Variants in SP140 observed in about 807,000 individuals in gnomAD.
SP140 encodes the protein nuclear body protein SP140.
Under a neutral mutation model 125.0 loss-of-function variants are expected in SP140, and 81 were observed. The ratio of observed to expected loss-of-function variants is 0.65; its 90% confidence interval spans 0.54 to 0.78. The LOEUF (loss-of-function observed/expected upper bound fraction) is 0.78. Ranked by LOEUF, SP140 falls within the 30% of genes least tolerant of loss-of-function variation. SP140 has a pLI of 0.00. For synonymous variants in SP140, 312 were observed against 354.0 expected, an observed-to-expected ratio of 0.88 and a Z score of 1.33; for missense variants, 858 against 1,037.0, an observed-to-expected ratio of 0.83 and a Z score of 2.37.
intron 1 of SP140, among the ~76,000 whole-genome samples, chr2:230,227,672 G>T (rs1251467464): frequency 6.6e-6 from 1 of 152,144 alleles, no homozygotes; most frequent in Non-Finnish European, 1.5e-5. Flanking sequence ...GCCTCTTAAA[G>T]AATTTGTTCA....
At chr2:230,209,946 G>A in intron 1 of SP140, 1 of 1,602,344 alleles carries the variant, frequency 6.2e-7, no homozygotes, top group Admixed American at 1.7e-5. Flanking sequence ...TTGTCTGAAG[G>A]TGTGCTGGAC....
rs375427546 is a variant in SP140 at position 230,273,830 on chromosome 2, A to G, written c.1498+3191A>G. 7.9e-4 allele frequency among the ~76,000 whole-genome samples: 121 copies of G among 152,324 alleles called. No homozygotes were observed. In the South Asian group the frequency reaches 0.025, roughly 31 times the overall value. On this transcript the variant is annotated intron_variant, in intron 15 of 26. Coordinates refer to ENST00000392045, the MANE Select transcript of SP140 (RefSeq NM_007237.5). Reference sequence around the variant, plus strand: ...GATGGAGCTGGAGAGTATTATCCTTAGCAAACTAATGCAGGAACAGAAAAC... The same window carrying G: ...GATGGAGCTGGAGAGTATTATCCTTGGCAAACTAATGCAGGAACAGAAAAC...
chr2:230,261,676 T>G (rs2052272706), intron 12 of SP140, among the ~76,000 whole-genome samples: 1 of 152,208 alleles, frequency 6.6e-6, no homozygotes, highest in Non-Finnish European at 1.5e-5. Flanking sequence ...ATGCTGGATT[T>G]TGTTGAATGC....
intron 12 of SP140, among the ~76,000 whole-genome samples, chr2:230,266,719 T>C (rs1455907995): frequency 6.6e-6 from 1 of 152,226 alleles, no homozygotes; most frequent in Non-Finnish European, 1.5e-5. Flanking sequence ...CACAGCTTTG[T>C]TGCTGGTTGT....
intron 22 of SP140, among the ~76,000 whole-genome samples, chr2:230,302,497 GTCA>G (rs1210981529): frequency 6.6e-6 from 1 of 152,146 alleles, no homozygotes; most frequent in African/African-American, 2.4e-5. Context: ...CACTAGACAG[GTCA>G]TCAAGACAGA....
At chr2:230,261,302 T>G (rs1364237587) in intron 12 of SP140, among the ~76,000 whole-genome samples, 6 of 152,172 alleles carry the variant, frequency 3.9e-5, no homozygotes, top group Non-Finnish European at 8.8e-5. Context: ...ACATTAATCG[T>G]GTATCCAGAA....
At chr2:230,210,331 G>A (rs753304749) in intron 1 of SP140, among the ~76,000 whole-genome samples, 49 of 152,216 alleles carry the variant, frequency 3.2e-4, no homozygotes, top group Non-Finnish European at 6.6e-4. Flanking sequence ...AAACTGTGCT[G>A]GGTATCATGA....
Position 230,251,011 on chromosome 2 carries a change from A to G in SP140, c.1007A>G (p.Asp336Gly), listed in dbSNP as rs558022852. The change falls in exon 10 of 27, where the codon GAT becomes GGT. Residue 336 changes from aspartate (D) to glycine (G), a missense_variant. Physicochemically the swap from Asp to Gly is moderately conservative, Grantham distance 94. Coordinates refer to ENST00000392045, the MANE Select transcript of SP140 (RefSeq NM_007237.5). ...AGTGATGACTGTTCAGAAATGTGTG[A>G]TGGAGAAGAGCCCCAGGAAGCCTCT... is the stretch of plus-strand genomic sequence containing the variant. Reference protein sequence around the residue: ...EGSDDCSEMCDGEEPQEASSS... With the variant: ...EGSDDCSEMCGGEEPQEASSS... 5 of 1,613,842 alleles carry G rather than the reference A, an allele frequency of 3.1e-6. No individual in the cohort carries two copies. The highest frequency in any genetic ancestry group is 1.1e-5 in the South Asian group (1 of 91,080).
chr2:230,285,790 A>T lies in SP140; in HGVS notation c.1603A>T (p.Lys535Ter), dbSNP rs758303198. 1 of 1,613,942 alleles carries T rather than the reference A, an allele frequency of 6.2e-7. No individual in the cohort carries two copies. Among genetic ancestry groups the T allele is most frequent in the South Asian group, 1.1e-5 (1 of 91,078 alleles). The change falls in exon 17 of 27, where the codon AAG becomes TAG. Residue 535 changes from lysine to a stop codon, truncating the protein, a stop_gained. Transcript: ENST00000392045. LOFTEE classifies it high-confidence loss of function. ...KADGQVVSSE[K>*]KANVNLKDLS... Reference sequence around the variant, plus strand: ...CGACGGCCAGGTGGTCTCCAGTGAAAAGAAGGCGAACGTGAATCTGAAAGA... The same window carrying T: ...CGACGGCCAGGTGGTCTCCAGTGAATAGAAGGCGAACGTGAATCTGAAAGA...
chr2:230,284,173 G>T (rs547045952), intron 15 of SP140, among the ~76,000 whole-genome samples, 173 bp from the exon 16 acceptor site: 1 of 152,156 alleles, frequency 6.6e-6, no homozygotes, highest in South Asian at 2.1e-4. Context: ...TCATGCAGAG[G>T]TAAAATATAA....
At chr2:230,271,580 CAT>C (rs1298403328) in intron 15 of SP140, among the ~76,000 whole-genome samples, 1 of 152,136 alleles carries the variant, frequency 6.6e-6, no homozygotes, top group Non-Finnish European at 1.5e-5. Flanking sequence ...GTCCTGTACT[CAT>C]GTGAAAAGCA....
intron 8 of SP140, 87 bp from the exon 9 acceptor site, chr2:230,248,798 C>A: frequency 9.6e-7 from 1 of 1,036,936 alleles, no homozygotes; most frequent in Non-Finnish European, 1.5e-6. Flanking sequence ...TGGCTCTCAG[C>A]ATTTGCCCAT....
chr2:230,197,929 G>A, the SP140 span, among the ~76,000 whole-genome samples: 3 of 152,194 alleles, frequency 2.0e-5, no homozygotes, highest in Admixed American at 6.5e-5. Flanking sequence ...TGGGATTACA[G>A]GTGTGAGCTA....
At chr2:230,234,180 A>C (rs575679294) in intron 1 of SP140, among the ~76,000 whole-genome samples, 51 of 152,342 alleles carry the variant, frequency 3.3e-4, no homozygotes, top group African/African-American at 1.2e-3. Context: ...AGGAACAAAC[A>C]ATTCCCAAAT....
In SP140 at chr2:230,256,455, T is replaced by C. The variant is rs1481077272; in HGVS notation, c.1240+923T>C. Among the ~76,000 whole-genome samples the C allele has an allele frequency of 3.5e-5, 5 of 142,432 alleles. No individual in the cohort carries two copies. In the East Asian group the frequency reaches 1.1e-3, roughly 30 times the overall value. 93.4% of individuals were successfully genotyped at this position (142,432 alleles called of 152,430 possible). A position where few individuals can be genotyped will look rare whatever the true frequency, so the allele number is the denominator to read the frequency against. ...ACCAAACACTGCATGTTCTCACTCA[T>C]AGGTGGGAATTGAACAATGAGAACA... On this transcript the variant is annotated intron_variant, in intron 12 of 26. Transcript: ENST00000392045.
Position 230,290,495 on chromosome 2 carries a change from A to C in SP140, c.1756A>C (p.Lys586Gln), listed in dbSNP as rs555882150. ...GCACAAAGATGAAACTGTGGATTTT[A>C]AGGCTCCTTTGCTTCCAGTGACCTG... ...RKHKDETVDF[K>Q]APLLPVTCGG... The change falls in exon 19 of 27, where the codon AAG (lysine) becomes CAG (glutamine). Residue 586 changes from lysine to glutamine, a missense_variant. By Grantham distance (53) the Lys-to-Gln change is moderately conservative (BLOSUM62 1). This residue lies in a region of SP140 where 791 missense variants were observed against 869.5 expected (regional missense o/e 0.91). Coordinates refer to ENST00000392045, the MANE Select transcript of SP140 (RefSeq NM_007237.5). 6 of 1,613,886 alleles carry C rather than the reference A, an allele frequency of 3.7e-6. No homozygotes were observed. Among genetic ancestry groups the C allele is most frequent in the Admixed American group, 3.3e-5 (2 of 59,944 alleles).
At chr2:230,200,649 T>A, upstream of SP140, 1 of 563,956 alleles carries the variant, frequency 1.8e-6, no homozygotes, top group South Asian at 2.1e-5. Context: ...CTGAGAAAAA[T>A]CTTATATAGT....
chr2:230,255,081 A>T lies in SP140; in HGVS notation c.1160-371A>T, dbSNP rs1045306256. ...TAAAGAGCAGAGTCAGGGGTGCAAG[A>T]GAAAAGGATAGAAACAGAGAAGGGG... On this transcript the variant is annotated intron_variant, in intron 11 of 26. Coordinates refer to ENST00000392045, the MANE Select transcript of SP140 (RefSeq NM_007237.5). 2.0e-5 allele frequency among the ~76,000 whole-genome samples: 3 copies of T among 152,200 alleles called. 1 individual carries two copies. The highest frequency in any genetic ancestry group is 2.0e-4 in the Admixed American group (3 of 15,278).
At chr2:230,259,771 C>CATATATATATAT (rs745848625) in intron 12 of SP140, among the ~76,000 whole-genome samples, 965 of 85,764 alleles carry the variant, frequency 0.011, 51 homozygotes, top group Non-Finnish European at 0.013. Flanking sequence ...AGTATTCCAT[C>CATATATATATAT]ATATATATAT....
Sources: gnomAD v4.1 joint callset for allele counts (sites outside exome capture counted in the v4.1 genomes callset) on GRCh38, gnomAD v4.1.1 for gene constraint, gnomAD v4.1.1 regional missense constraint, MANE v1.5 for transcripts, NCBI Gene and HGNC (gene_info 2026-07-23, HGNC 2026-07-21) for gene names.